Variants in ARID5B observed in about 807,000 individuals in gnomAD.
The protein encoded by ARID5B is AT-rich interactive domain-containing protein 5B.
ARID5B carries 13 observed loss-of-function variants against 97.2 expected under a neutral mutation model. That is an observed-to-expected ratio of 0.13 (90% confidence interval 0.09 to 0.21). The LOEUF (loss-of-function observed/expected upper bound fraction) is 0.21. Among genes scored for constraint, ARID5B ranks in the 10% least tolerant of loss-of-function variants. The pLI, the probability that ARID5B is intolerant of heterozygous loss-of-function variation, is 1.00. For synonymous variants in ARID5B, 556 were observed against 570.3 expected, an observed-to-expected ratio of 0.97 and a Z score of 0.36; for missense variants, 1,210 against 1,465.3, an observed-to-expected ratio of 0.83 and a Z score of 2.84.
intron 8 of ARID5B, among the ~76,000 whole-genome samples, chr10:62,071,467 G>C (rs1002766170): frequency 6.6e-6 from 1 of 151,638 alleles, no homozygotes; most frequent in Non-Finnish European, 1.5e-5. Context: ...AGCAATTAAA[G>C]CTTGAAAAAG....
At chr10:61,975,594 C>G (rs1164126206) in intron 3 of ARID5B, among the ~76,000 whole-genome samples, 1 of 152,060 alleles carries the variant, frequency 6.6e-6, no homozygotes, top group African/African-American at 2.4e-5. Context: ...GAATTCCAAC[C>G]CTGCAAAATT....
intron 2 of ARID5B, among the ~76,000 whole-genome samples, chr10:61,906,823 G>C (rs1200508505): frequency 6.6e-6 from 1 of 152,104 alleles, no homozygotes; most frequent in Non-Finnish European, 1.5e-5. Context: ...GTGTTATCTT[G>C]GGCAAGTTCT....
At chr10:61,956,801 A>G (rs1013908086) in intron 3 of ARID5B, among the ~76,000 whole-genome samples, 1 of 152,208 alleles carries the variant, frequency 6.6e-6, no homozygotes, top group Non-Finnish European at 1.5e-5. Context: ...TATATAACAC[A>G]CATAAAAATG....
rs775723099 is a variant in ARID5B at position 61,940,379 on chromosome 10, A to G, written c.473A>G (p.Lys158Arg). The G allele has an allele frequency of 2.5e-6, 4 of 1,613,996 alleles. No individual in the cohort carries two copies. Among genetic ancestry groups the G allele is most frequent in the Non-Finnish European group, 3.4e-6 (4 of 1,179,946 alleles). Reference protein sequence around the residue: ...QSTLNSGLNFKDVLKEKADLG... With the variant: ...QSTLNSGLNFRDVLKEKADLG... The stretch of plus-strand genomic sequence containing the variant: ...ACCCTAAACAGTGGACTCAACTTCA[A>G]AGACGTTCTCAAGGAGAAGGCAGAC... The change falls in exon 3 of 10, where the codon AAA becomes AGA. Residue 158 changes from lysine to arginine, a missense_variant. By Grantham distance (26) the Lys-to-Arg change is conservative. Transcript: ENST00000279873.
chr10:61,920,335 T>G (rs866471530), intron 2 of ARID5B, among the ~76,000 whole-genome samples: 3,731 of 151,720 alleles, frequency 0.025, 143 homozygotes, highest in African/African-American at 0.078. Flanking sequence ...CTTTGTTTTT[T>G]TTTTTTTTTT....
intron 3 of ARID5B, among the ~76,000 whole-genome samples, chr10:61,947,567 A>AC (rs1838256569): frequency 6.6e-6 from 1 of 151,770 alleles, no homozygotes; most frequent in Non-Finnish European, 1.5e-5. Flanking sequence ...ACTGTGTCCA[A>AC]CCCAGTATGT....
At chr10:61,903,858 G>T (rs1237129486) in intron 2 of ARID5B, among the ~76,000 whole-genome samples, 1 of 151,620 alleles carries the variant, frequency 6.6e-6, no homozygotes, top group East Asian at 2.0e-4. Flanking sequence ...CTGCCTTTTC[G>T]GAAATAAGCC....
At position 61,953,751 on chromosome 10, in the gene ARID5B, C is replaced by G. The variant is rs192462497; in HGVS notation, c.502+13343C>G. Among the ~76,000 whole-genome samples, 194 of 152,310 alleles carry G rather than the reference C, an allele frequency of 1.3e-3. 1 individual carries two copies. Among genetic ancestry groups the G allele is most frequent in the Middle Eastern group, 3.4e-3 (1 of 294 alleles). On this transcript the variant is annotated intron_variant, in intron 3 of 9. Transcript: ENST00000279873. ...AACAATACCCATCTCACAGTTTTGT[C>G]TCCCAGGACTTGGGAAGATTACGTT...
chr10:62,071,477 G>T (rs1055898356), intron 8 of ARID5B, among the ~76,000 whole-genome samples: 1 of 151,556 alleles, frequency 6.6e-6, no homozygotes, highest in Non-Finnish European at 1.5e-5. Context: ...GCTTGAAAAA[G>T]GAGTGTATCT....
chr10:62,015,408 A>T (rs1839270671), intron 4 of ARID5B, among the ~76,000 whole-genome samples: 1 of 152,198 alleles, frequency 6.6e-6, no homozygotes, highest in African/African-American at 2.4e-5. Context: ...TAAGCTGCAA[A>T]GCAGTGCTCT....
At chr10:62,036,924 G>T (rs1380035935) in intron 4 of ARID5B, among the ~76,000 whole-genome samples, 6 of 152,184 alleles carry the variant, frequency 3.9e-5, no homozygotes, top group Non-Finnish European at 8.8e-5. Flanking sequence ...TTTTATAAAT[G>T]ACTCCAATGA....
chr10:61,911,573 T>C (rs1293688108), intron 2 of ARID5B, among the ~76,000 whole-genome samples: 4 of 152,208 alleles, frequency 2.6e-5, no homozygotes. Context: ...TTCAATCTTA[T>C]TCAAAATAAT....
At chr10:62,074,485 C>G (rs1840102660) in intron 8 of ARID5B, among the ~76,000 whole-genome samples, 1 of 152,138 alleles carries the variant, frequency 6.6e-6, no homozygotes, top group African/African-American at 2.4e-5. Context: ...TGCCTTTTTT[C>G]TCTGAAGGTA....
chr10:62,095,859 CTG>C lies in ARID5B; in HGVS notation c.*2832_*2833del, dbSNP rs754327789. On this transcript the variant is annotated 3_prime_UTR_variant, in exon 10 of 10. Coordinates refer to ENST00000279873, the MANE Select transcript of ARID5B (RefSeq NM_032199.3). ...GTTATTGGTAGTTCTGTAAAGGAAA[CTG>C]TGGAATCGAATTGGCAGTGGAGTCA... 15 of 230,924 alleles carry C rather than the reference CTG, an allele frequency of 6.5e-5. 1 individual carries two copies. The highest frequency in any genetic ancestry group is 5.4e-4 in the South Asian group (3 of 5,508). The allele number at this position is 230,924 out of a possible 1,614,324, so 14.3% of individuals were successfully genotyped here.
chr10:62,034,977 T>C (rs74679792), intron 4 of ARID5B, among the ~76,000 whole-genome samples: 3,089 of 152,352 alleles, frequency 0.02, 58 homozygotes, highest in Middle Eastern at 0.12. Context: ...GGAGAGCCAG[T>C]AGCCCGGTGG....
At chr10:61,946,924 A>G (rs1838246542) in intron 3 of ARID5B, among the ~76,000 whole-genome samples, 1 of 152,200 alleles carries the variant, frequency 6.6e-6, no homozygotes. Flanking sequence ...CTGTCTCAAA[A>G]AAAAATAATA....
intron 4 of ARID5B, among the ~76,000 whole-genome samples, chr10:62,007,914 C>G (rs966646212): frequency 4.6e-5 from 7 of 152,150 alleles, no homozygotes; most frequent in African/African-American, 2.4e-5. Flanking sequence ...CTCTGACCAT[C>G]CCTCTTCCAC....
intron 4 of ARID5B, among the ~76,000 whole-genome samples, chr10:62,047,440 ACT>A (rs1251334853): frequency 6.6e-6 from 1 of 152,160 alleles, no homozygotes; most frequent in East Asian, 1.9e-4. Context: ...ATTGCTTTGC[ACT>A]GTTTTTTTTC....
At chr10:61,909,842 G>T (rs987465269) in intron 2 of ARID5B, among the ~76,000 whole-genome samples, 4 of 152,280 alleles carry the variant, frequency 2.6e-5, no homozygotes, top group African/African-American at 9.6e-5. Context: ...ATGGGAAGTG[G>T]TTTTTTCACA....
Sources: allele counts gnomAD v4.1 joint callset (sites outside exome capture counted in the v4.1 genomes callset), GRCh38; gene constraint gnomAD v4.1.1; transcripts MANE v1.5; gene names NCBI Gene and HGNC (gene_info 2026-07-23, HGNC 2026-07-21).